The following MID1 variants were observed in gnomAD, a reference collection of about 807,000 sequenced individuals.
MID1 encodes midline 1.
Under a neutral mutation model 40.4 loss-of-function variants are expected in MID1, and 7 were observed. The observed-to-expected ratio is 0.17, with a 90% CI of 0.10 to 0.33. The LOEUF (loss-of-function observed/expected upper bound fraction) is 0.33. Among genes scored for constraint, MID1 ranks in the 10% least tolerant of loss-of-function variants. MID1 has a pLI of 1.00. For synonymous variants in MID1, 229 were observed against 221.2 expected (o/e 1.04, Z -0.31); for missense variants, 367 against 558.5 (o/e 0.66, Z 3.46).
At chrX:10,485,749 C>T (rs951404951) in intron 4 of MID1, among the ~76,000 whole-genome samples, 4 of 111,941 alleles carry the variant, frequency 3.6e-5, no homozygotes, top group African/African-American at 1.3e-4. Flanking sequence ...CAACCCAAAA[C>T]AATTAGGTCC....
chrX:10,721,764 G>T (rs1190151588), intron 1 of MID1, among the ~76,000 whole-genome samples: 1 of 109,385 alleles, frequency 9.1e-6, no homozygotes, highest in Admixed American at 9.8e-5. Flanking sequence ...TAAATCATTA[G>T]TTTTGCACTC....
intron 1 of MID1, among the ~76,000 whole-genome samples, chrX:10,695,171 C>T (rs979073973): frequency 8.9e-5 from 10 of 111,936 alleles, no homozygotes; most frequent in Admixed American, 6.6e-4. Context: ...CTTGCCCAGG[C>T]GGCAGTGCAG....
intron 4 of MID1, among the ~76,000 whole-genome samples, chrX:10,483,731 CTT>C (rs922043746): frequency 6.2e-5 from 7 of 112,248 alleles, no homozygotes; most frequent in African/African-American, 2.3e-4. Flanking sequence ...CCAAGAAATT[CTT>C]TCTTTCTCCA....
chrX:10,493,624 G>A (rs1354925349), intron 4 of MID1, among the ~76,000 whole-genome samples: 1 of 111,605 alleles, frequency 9.0e-6, no homozygotes. Flanking sequence ...TGCATGGCAT[G>A]GTGAAAACAG....
intron 1 of MID1, among the ~76,000 whole-genome samples, chrX:10,579,493 T>G (rs1934954069): frequency 8.9e-6 from 1 of 112,022 alleles, no homozygotes; most frequent in Admixed American, 9.5e-5. Flanking sequence ...GAACAAATAC[T>G]AGTCTCGTGA....
intron 1 of MID1, among the ~76,000 whole-genome samples, chrX:10,733,318 T>C (rs2147104389): frequency 9.0e-6 from 1 of 111,679 alleles, no homozygotes; most frequent in South Asian, 3.7e-4. Context: ...TTGAGATAGA[T>C]CATAAACCTA....
intron 1 of MID1, among the ~76,000 whole-genome samples, chrX:10,739,935 T>C (rs1602549140): frequency 8.9e-6 from 1 of 112,525 alleles, no homozygotes; most frequent in East Asian, 2.8e-4. Flanking sequence ...GAGAATGGGC[T>C]GCATCTGTTT....
At chrX:10,764,696 A>C (rs1003597520) in intron 1 of MID1, among the ~76,000 whole-genome samples, 23 of 111,585 alleles carry the variant, frequency 2.1e-4, no homozygotes, top group Non-Finnish European at 1.5e-4. Context: ...AGGCTGGTTT[A>C]ATTTAATTTC....
At chrX:10,533,521 AT>A (rs767767687) in intron 2 of MID1, among the ~76,000 whole-genome samples, 1 of 109,959 alleles carries the variant, frequency 9.1e-6, no homozygotes, top group African/African-American at 3.3e-5. Context: ...TATACATAAC[AT>A]TTTTTTTCTG....
At chrX:10,754,242 C>T (rs1327808187) in intron 1 of MID1, among the ~76,000 whole-genome samples, 2 of 111,195 alleles carry the variant, frequency 1.8e-5, no homozygotes, top group African/African-American at 6.6e-5. Flanking sequence ...ATTTTTGGAT[C>T]AGGTGAGTTC....
intron 1 of MID1, among the ~76,000 whole-genome samples, chrX:10,816,398 CT>C (rs1269905866): frequency 8.9e-6 from 1 of 112,190 alleles, no homozygotes; most frequent in East Asian, 2.8e-4. Context: ...CTTTATCAAA[CT>C]GTAATTTCCT....
intron 1 of MID1, among the ~76,000 whole-genome samples, chrX:10,633,899 T>C (rs1313028035): frequency 3.6e-5 from 4 of 111,539 alleles, no homozygotes; most frequent in Admixed American, 9.6e-5. Flanking sequence ...CTAAGAAATG[T>C]GAGACATTGT....
Position 10,465,214 on chromosome X carries a change from T to TACACACACACAC in MID1, c.1285+4471_1285+4482dup, listed in dbSNP as rs775197915. On this transcript the variant is annotated intron_variant, in intron 7 of 9. Transcript: ENST00000317552. ...ATATATATATATATATATATATATA[T>TACACACACACAC]ACACACACACACACACACACACACA... Among the ~76,000 whole-genome samples, 118 of 39,887 alleles carry TACACACACACAC rather than the reference T, an allele frequency of 3.0e-3. 1 individual carries two copies. Among genetic ancestry groups the TACACACACACAC allele is most frequent in the African/African-American group, 9.8e-3 (69 of 7,056 alleles). 34.6% of individuals were successfully genotyped at this position (39,887 alleles called of 115,157 possible).
intron 1 of MID1, among the ~76,000 whole-genome samples, chrX:10,797,511 G>C (rs1033947342): frequency 9.0e-6 from 1 of 111,709 alleles, no homozygotes; most frequent in Non-Finnish European, 1.9e-5. Context: ...AGCCAGCAAG[G>C]GGCTGAAGCA....
intron 1 of MID1, among the ~76,000 whole-genome samples, chrX:10,718,713 C>T (rs1415680244): frequency 9.0e-6 from 1 of 111,675 alleles, no homozygotes; most frequent in Non-Finnish European, 1.9e-5. Context: ...CAGCATCATC[C>T]TGATACCAAA....
At chrX:10,640,872 C>A (rs1333076383) in intron 1 of MID1, among the ~76,000 whole-genome samples, 1 of 111,688 alleles carries the variant, frequency 9.0e-6, no homozygotes, top group African/African-American at 3.3e-5. Flanking sequence ...CACTCAAAAC[C>A]ACTCAACTGC....
intron 1 of MID1, among the ~76,000 whole-genome samples, chrX:10,615,391 T>C (rs1292742477): frequency 8.9e-6 from 1 of 112,203 alleles, no homozygotes; most frequent in African/African-American, 3.2e-5. Flanking sequence ...GTAAATGTCA[T>C]TGAATGATAT....
intron 1 of MID1, among the ~76,000 whole-genome samples, chrX:10,817,371 T>C (rs1248605670): frequency 9.0e-6 from 1 of 111,668 alleles, no homozygotes; most frequent in Non-Finnish European, 1.9e-5. Flanking sequence ...CTTTGGAATC[T>C]AAGAGGAACA....
intron 1 of MID1, chrX:10,589,671 C>G (rs1046387215): frequency 9.0e-5 from 10 of 111,059 alleles, no homozygotes; most frequent in African/African-American, 2.9e-4. Flanking sequence ...GCCTGCCACA[C>G]ACGGCTCTGG....
Sources: allele counts gnomAD v4.1 joint callset (sites outside exome capture counted in the v4.1 genomes callset), GRCh38; gene constraint gnomAD v4.1.1; transcripts MANE v1.5; gene names NCBI Gene and HGNC (gene_info 2026-07-23, HGNC 2026-07-21).